The following OGDH variants were observed in gnomAD, a reference collection of about 807,000 sequenced individuals.
The protein encoded by OGDH is oxoglutarate dehydrogenase, also known as 2-oxoglutarate dehydrogenase complex component E1.
Under a neutral mutation model 116.6 loss-of-function variants are expected in OGDH, and 38 were observed. The ratio of observed to expected loss-of-function variants is 0.33; its 90% CI spans 0.25 to 0.43. The LOEUF is 0.43. Ranked by LOEUF, OGDH falls within the 20% of genes least tolerant of loss-of-function variation. OGDH has a pLI of 1.00. For synonymous variants in OGDH, 488 were observed against 533.3 expected, an observed-to-expected ratio of 0.92 and a Z score of 1.17; for missense variants, 825 against 1,357.2, an observed-to-expected ratio of 0.61 and a Z score of 6.16.
intron 4 of OGDH, among the ~76,000 whole-genome samples, chr7:44,665,275 C>T (rs991360332): frequency 2.1e-5 from 3 of 144,196 alleles, no homozygotes; most frequent in South Asian, 2.2e-4. Context: ...ACCATCACCA[C>T]CCTCCAGGTT....
At chr7:44,629,861 T>G (rs1785362072) in intron 2 of OGDH, among the ~76,000 whole-genome samples, 1 of 152,240 alleles carries the variant, frequency 6.6e-6, no homozygotes, top group African/African-American at 2.4e-5. Context: ...ATTATGGGCG[T>G]GAGCCATCAT....
rs1289622329 is a variant in OGDH, at chr7:44,624,279, CCTTT to C, written c.-27-30_-27-27del. On this transcript the variant is annotated intron_variant, in intron 1 of 22. Coordinates refer to ENST00000222673, the MANE Select transcript of OGDH (RefSeq NM_002541.4). ...GTCTCCTAAATACTCATTTTTAAAA[CCTTT>C]CTTTCTTGTTTTTTTTTTTTTTTTT... is the stretch of plus-strand genomic sequence containing the variant. 8 of 1,383,080 alleles carry C rather than the reference CCTTT, an allele frequency of 5.8e-6. No individual in the cohort carries two copies. The Admixed American group carries it at 1.2e-4, about 21-fold the overall frequency. The allele number at this position is 1,383,080 out of a possible 1,614,324, so 85.7% of individuals were successfully genotyped here. A position where few individuals can be genotyped will look rare whatever the true frequency, so the allele number is the denominator to read the frequency against.
At chr7:44,648,193 G>T (rs1786275727) in intron 4 of OGDH, among the ~76,000 whole-genome samples, 1 of 152,238 alleles carries the variant, frequency 6.6e-6, no homozygotes, top group Non-Finnish European at 1.5e-5. Context: ...CCCTTGACTG[G>T]AGGCCATGTC....
chr7:44,699,425 C>CAAAA (rs59695480), intron 18 of OGDH, among the ~76,000 whole-genome samples: 1 of 67,716 alleles, frequency 1.5e-5, no homozygotes, highest in Non-Finnish European at 3.4e-5. Flanking sequence ...ACTCCTGTCT[C>CAAAA]AAAAAAAAAA....
At chr7:44,616,755 GTATATATA>G (rs562422788) in intron 1 of OGDH, among the ~76,000 whole-genome samples, 1 of 129,926 alleles carries the variant, frequency 7.7e-6, no homozygotes, top group Non-Finnish European at 1.5e-5. Context: ...GTGTATATGT[GTATATATA>G]TACACGTATA....
intron 1 of OGDH, among the ~76,000 whole-genome samples, chr7:44,619,443 G>C (rs2097792535): frequency 6.6e-6 from 1 of 152,228 alleles, no homozygotes; most frequent in South Asian, 2.1e-4. Flanking sequence ...TTTAGTCACA[G>C]AAATCTTCTG....
intron 2 of OGDH, among the ~76,000 whole-genome samples, chr7:44,626,414 T>G (rs1785211533): frequency 6.6e-6 from 1 of 151,860 alleles, no homozygotes; most frequent in Non-Finnish European, 1.5e-5. Context: ...GGTTTCAGAA[T>G]CAAGGACTAT....
intron 10 of OGDH, among the ~76,000 whole-genome samples, chr7:44,683,931 G>A (rs932885915): frequency 3.3e-5 from 5 of 152,166 alleles, no homozygotes; most frequent in African/African-American, 7.2e-5. Context: ...GCAGAGCACC[G>A]GTGTGCTCCC....
At chr7:44,696,284 A>G in intron 13 of OGDH, 145 bp from the exon 14 acceptor site, 1 of 1,120,960 alleles carries the variant, frequency 8.9e-7, no homozygotes, top group South Asian at 1.5e-5. Flanking sequence ...CTGGACCCAG[A>G]CCCCTGCATT....
Position 44,693,928 on chromosome 7 carries a change from C to A in OGDH, c.1439C>A (p.Pro480His), listed in dbSNP as rs1165737770. The A allele has an allele frequency of 6.2e-7, 1 of 1,614,022 alleles. No individual in the cohort carries two copies. Among genetic ancestry groups the A allele is most frequent in the Non-Finnish European group, 8.5e-7 (1 of 1,179,998 alleles). The change falls in exon 11 of 23, where the codon CCC (proline) becomes CAC (histidine). Residue 480 changes from proline (P) to histidine (H), a missense_variant. Pro to His is a moderately conservative substitution (Grantham distance 77). Transcript: ENST00000222673. ...APIFHVNSDD[P>H]EAVMYVCKVA... ...ATTTTCCACGTGAACTCAGATGACC[C>A]CGAGGCTGTCATGTACGTGTGCAAA... is the stretch of plus-strand genomic sequence containing the variant.
At position 44,655,677 on chromosome 7, in the gene OGDH, C is replaced by T. The variant is rs531373287; in HGVS notation, c.517+7918C>T. On this transcript the variant is annotated intron_variant, in intron 4 of 22. Coordinates refer to ENST00000222673, the MANE Select transcript of OGDH (RefSeq NM_002541.4). ...AAATGCCTTGATTTCACCAGTGGCT[C>T]AGAAAGCTGTTATGTATAGTAGAAA... Among the ~76,000 whole-genome samples the T allele has an allele frequency of 2.0e-5, 3 of 152,314 alleles. No individual in the cohort carries two copies. In the South Asian group the frequency reaches 6.2e-4, roughly 32 times the overall value.
At chr7:44,659,707 T>C (rs1437179835) in intron 4 of OGDH, among the ~76,000 whole-genome samples, 1 of 152,212 alleles carries the variant, frequency 6.6e-6, no homozygotes, top group Non-Finnish European at 1.5e-5. Context: ...TTGATAGTCA[T>C]TTTTTAAATT....
chr7:44,626,968 G>A (rs1400659241), intron 2 of OGDH, among the ~76,000 whole-genome samples: 1 of 152,102 alleles, frequency 6.6e-6, no homozygotes, highest in African/African-American at 2.4e-5. Flanking sequence ...AGTATGTGGT[G>A]TGTGCATGTT....
chr7:44,622,055 T>C (rs1785030997), intron 1 of OGDH, among the ~76,000 whole-genome samples: 1 of 152,180 alleles, frequency 6.6e-6, no homozygotes, highest in African/African-American at 2.4e-5. Context: ...GCCTGTTAAT[T>C]GGGCTATTGC....
At chr7:44,607,893 G>A (rs966557660) in intron 1 of OGDH, among the ~76,000 whole-genome samples, 2 of 152,046 alleles carry the variant, frequency 1.3e-5, no homozygotes, top group Non-Finnish European at 2.9e-5. Context: ...GTAGAGACGG[G>A]TTTTCACCAC....
At chr7:44,647,597 CT>C (rs151207433) in intron 3 of OGDH, 59 bp from the exon 4 acceptor site, 48 of 1,546,872 alleles carry the variant, frequency 3.1e-5, no homozygotes, top group Middle Eastern at 3.4e-4. Flanking sequence ...CCCCTTCCCT[CT>C]TTTTTTTTCT....
chr7:44,613,436 C>T (rs1049100636), intron 1 of OGDH, among the ~76,000 whole-genome samples: 1 of 152,214 alleles, frequency 6.6e-6, no homozygotes, highest in East Asian at 1.9e-4. Context: ...TCTTGGCTCA[C>T]CGCAAGCTCT....
intron 5 of OGDH, among the ~76,000 whole-genome samples, chr7:44,673,278 A>G (rs1395258212): frequency 3.9e-5 from 6 of 152,316 alleles, no homozygotes; most frequent in Admixed American, 2.6e-4. Flanking sequence ...TGATAGCGCT[A>G]CTGCACTCCC....
chr7:44,674,432 G>T lies in OGDH; in HGVS notation c.810G>T (p.Arg270=). The change falls in exon 7 of 23, where the codon CGG becomes CGT. Residue 270 remains arginine, a synonymous_variant. Coordinates refer to ENST00000222673, the MANE Select transcript of OGDH (RefSeq NM_002541.4). ...RSTRFEEFLQ[R]KWSSEKRFGL... is the part of the protein sequence containing the mutation. ...CCAGGTTTGAGGAGTTCCTACAGCG[G>T]AAGTGGTCCTCTGAGAAGCGCTTTG... is the stretch of plus-strand genomic sequence containing the variant. 1 of 1,614,184 alleles carries T rather than the reference G, an allele frequency of 6.2e-7. No individual in the cohort carries two copies.
Sources: allele counts gnomAD v4.1 joint callset (sites outside exome capture counted in the v4.1 genomes callset), GRCh38; gene constraint gnomAD v4.1.1; transcripts MANE v1.5; gene names NCBI Gene and HGNC (gene_info 2026-07-23, HGNC 2026-07-21).